Variants in LRRC7 observed in about 807,000 individuals in gnomAD.
The protein encoded by LRRC7 is leucine-rich repeat-containing protein 7.
LRRC7 carries 23 observed loss-of-function variants against 175.7 expected under a neutral mutation model. That is an observed-to-expected ratio of 0.13 (90% CI 0.09 to 0.19). The LOEUF is 0.19. LRRC7 is among the 10% of genes least tolerant of loss of function. The pLI is 1.00. For synonymous variants in LRRC7, 685 were observed against 680.9 expected, an observed-to-expected ratio of 1.01 and a Z score of -0.09; for missense variants, 1,354 against 1,904.7, an observed-to-expected ratio of 0.71 and a Z score of 5.38.
chr1:69,685,843 C>T (rs61783979), intron 2 of LRRC7, among the ~76,000 whole-genome samples: 8,905 of 149,038 alleles, frequency 0.06, 307 homozygotes, highest in African/African-American at 0.082. Context: ...TAAAAGTTGA[C>T]AAAAGACGTA....
chr1:69,978,126 C>T (rs1401104243), intron 8 of LRRC7, among the ~76,000 whole-genome samples: 4 of 152,088 alleles, frequency 2.6e-5, no homozygotes, highest in Admixed American at 6.6e-5. Context: ...GGTGAAACCC[C>T]GCCTCTACTA....
At chr1:69,919,445 AC>A (rs2101730201) in intron 7 of LRRC7, 3 of 965,578 alleles carry the variant, frequency 3.1e-6, no homozygotes, top group Non-Finnish European at 1.6e-6. Context: ...CACATCACTA[AC>A]CCCAGCCAGT....
Position 69,570,794 on chromosome 1 carries a change from A to G in LRRC7, c.2+2153A>G, listed in dbSNP as rs549143431. On this transcript the variant is annotated intron_variant, in intron 1 of 26. Coordinates refer to ENST00000651989, the MANE Select transcript of LRRC7 (RefSeq NM_001370785.2). ...CAAATAGGGATGTAGGAATGATTTT[A>G]TGTTTCCTTAAGAGTCATATGGCTA... Among the ~76,000 whole-genome samples the G allele has an allele frequency of 4.6e-5, 7 of 152,264 alleles. No homozygotes were observed. In the East Asian group the frequency reaches 1.4e-3, roughly 29 times the overall value.
In LRRC7 at chr1:70,131,950, A is replaced by G. The variant is rs1666681030; in HGVS notation, c.*10063A>G. The stretch of plus-strand genomic sequence containing the variant: ...TTTTAAGTAAGAGCATTTTAGAATA[A>G]TGAGAATAATGAGTGAGTAAGGAAC... On this transcript the variant is annotated 3_prime_UTR_variant, in exon 27 of 27. Coordinates refer to ENST00000651989, the MANE Select transcript of LRRC7 (RefSeq NM_001370785.2). Among the ~76,000 whole-genome samples the G allele has an allele frequency of 2.6e-5, 4 of 152,332 alleles. No individual in the cohort carries two copies. In the South Asian group the frequency reaches 8.3e-4, roughly 32 times the overall value.
chr1:69,871,221 A>C (rs1685498896), intron 7 of LRRC7, among the ~76,000 whole-genome samples: 1 of 152,088 alleles, frequency 6.6e-6, no homozygotes, highest in Admixed American at 6.6e-5. Context: ...GCCAAATTGT[A>C]TGCTGTAATA....
At chr1:69,920,927 A>T (rs532743434) in intron 7 of LRRC7, among the ~76,000 whole-genome samples, 61 of 152,224 alleles carry the variant, frequency 4.0e-4, no homozygotes, top group Admixed American at 3.9e-3. Context: ...CCAGGCTCAG[A>T]AGACAATTTA....
intron 3 of LRRC7, among the ~76,000 whole-genome samples, chr1:69,782,687 G>T (rs141811503): frequency 1.7e-4 from 26 of 152,296 alleles, no homozygotes; most frequent in Middle Eastern, 3.4e-3. Context: ...AAGGAATTTG[G>T]ACTGTCCTGA....
intron 1 of LRRC7, among the ~76,000 whole-genome samples, chr1:69,580,659 T>G (rs1237122422): frequency 6.6e-6 from 1 of 152,208 alleles, no homozygotes; most frequent in Admixed American, 6.5e-5. Context: ...TTAATAAATT[T>G]TACTAAGTTC....
intron 4 of LRRC7, among the ~76,000 whole-genome samples, chr1:69,817,085 C>CA (rs1387816002): frequency 6.6e-6 from 1 of 151,880 alleles, no homozygotes; most frequent in African/African-American, 2.4e-5. Context: ...TTTTGCTGTG[C>CA]AAAAACCTTT....
At chr1:69,801,196 T>G (rs936332629) in intron 4 of LRRC7, among the ~76,000 whole-genome samples, 3 of 151,728 alleles carry the variant, frequency 2.0e-5, no homozygotes, top group Admixed American at 2.0e-4. Flanking sequence ...CGTGTCCTTG[T>G]CTGGCTTTGG....
chr1:70,091,738 ATGTC>A (rs886187985), intron 25 of LRRC7, among the ~76,000 whole-genome samples: 6 of 152,294 alleles, frequency 3.9e-5, no homozygotes, highest in African/African-American at 1.4e-4. Flanking sequence ...AGACTGAACT[ATGTC>A]TATGATCTTA....
At chr1:69,586,605 T>C (rs1452749858) in intron 1 of LRRC7, among the ~76,000 whole-genome samples, 1 of 151,672 alleles carries the variant, frequency 6.6e-6, no homozygotes, top group Non-Finnish European at 1.5e-5. Context: ...TACCATTTAC[T>C]TAAAATTATT....
At position 70,021,102 on chromosome 1, in the gene LRRC7, AGAT is replaced by A. The variant is rs1557994158; in HGVS notation, c.1521_1523del (p.Asp508del). ...CCTTTGAATTTGAAGACAAAAAAGAAGATGACGAAAATGCTGGGAAAGTTAAGG... is the reference window on the plus strand; with the variant it reads ...CCTTTGAATTTGAAGACAAAAAAGAAGACGAAAATGCTGGGAAAGTTAAGG... On this transcript the variant is annotated inframe_deletion, in exon 16 of 27. Coordinates refer to ENST00000651989, the MANE Select transcript of LRRC7 (RefSeq NM_001370785.2). The A allele has an allele frequency of 6.2e-7, 1 of 1,612,304 alleles. No individual in the cohort carries two copies. Among genetic ancestry groups the A allele is most frequent in the African/African-American group, 1.3e-5 (1 of 74,878 alleles).
intron 11 of LRRC7, 43 bp from the exon 12 acceptor site, chr1:70,011,754 A>T (rs748634510): frequency 7.1e-7 from 1 of 1,398,640 alleles, no homozygotes; most frequent in East Asian, 2.3e-5. Context: ...ACATTTTGCT[A>T]TCTAACTTTT....
intron 24 of LRRC7, among the ~76,000 whole-genome samples, chr1:70,087,181 G>A (rs1426175984): frequency 2.0e-5 from 3 of 152,074 alleles, no homozygotes; most frequent in Non-Finnish European, 2.9e-5. Flanking sequence ...TAGATTTTTA[G>A]TGCCTTCCAG....
intron 3 of LRRC7, among the ~76,000 whole-genome samples, chr1:69,775,924 A>G (rs915212877): frequency 6.6e-6 from 1 of 152,194 alleles, no homozygotes; most frequent in Non-Finnish European, 1.5e-5. Flanking sequence ...AGCAAAGGAT[A>G]TGAATAATGT....
At chr1:69,987,264 A>C (rs1456003001) in intron 10 of LRRC7, among the ~76,000 whole-genome samples, 1 of 152,180 alleles carries the variant, frequency 6.6e-6, no homozygotes. Context: ...CAAACAAAAA[A>C]AGTTTATATG....
At chr1:69,886,832 G>A (rs1284340868) in intron 7 of LRRC7, among the ~76,000 whole-genome samples, 2 of 149,986 alleles carry the variant, frequency 1.3e-5, no homozygotes, top group Non-Finnish European at 3.0e-5. Context: ...AAATCTCTCA[G>A]CATTTGCTTG....
chr1:69,692,129 C>A (rs1433274761), intron 2 of LRRC7, among the ~76,000 whole-genome samples: 1 of 152,128 alleles, frequency 6.6e-6, no homozygotes, highest in Non-Finnish European at 1.5e-5. Context: ...AACCACAGGG[C>A]TTCTTTTTTG....
Sources: gnomAD v4.1 joint callset for allele counts (sites outside exome capture counted in the v4.1 genomes callset) on GRCh38, gnomAD v4.1.1 for gene constraint, MANE v1.5 for transcripts, NCBI Gene and HGNC (gene_info 2026-07-23, HGNC 2026-07-21) for gene names.